Variants in PKHD1L1 observed in about 807,000 individuals in gnomAD.
The protein encoded by PKHD1L1 is fibrocystin-L.
In PKHD1L1, 434 loss-of-function variants were observed where a neutral mutation model predicts 462.9. That is an observed-to-expected ratio of 0.94 (90% CI 0.87 to 1.02). PKHD1L1 has a LOEUF of 1.02. PKHD1L1 is among the 50% of genes least tolerant of loss of function. PKHD1L1 has a pLI of 0.00. For missense variants in PKHD1L1, 5,202 were observed against 5,096.1 expected (o/e 1.02, Z -0.63); for synonymous variants, 1,781 against 1,750.0 (o/e 1.02, Z -0.44).
At position 109,498,524 on chromosome 8, in the gene PKHD1L1, T is replaced by A; in HGVS notation, c.10662T>A (p.Asp3554Glu). 6.2e-7 allele frequency: 1 copy of A among 1,613,828 alleles called. No individual in the cohort carries two copies. The highest frequency in any genetic ancestry group is 8.5e-7 in the Non-Finnish European group (1 of 1,179,712). ...GCTCTGATGTCCTAACTAATGATGA[T>A]CCTAATATTGAACTCACTGCTGCTC... ...FNCSDVLTND[D>E]PNIELTAAHR... The change falls in exon 66 of 78, where the codon GAT (aspartate) becomes GAA (glutamate). Residue 3554 changes from aspartate (D) to glutamate (E), a missense_variant. Around this residue, in one of 3 missense-constraint regions of PKHD1L1, gnomAD observed 4,497 missense variants for 4,336.8 expected, o/e 1.04. Coordinates refer to ENST00000378402, the MANE Select transcript of PKHD1L1 (RefSeq NM_177531.6).
At position 109,534,678 on chromosome 8, in the gene PKHD1L1, C is replaced by T. The variant is rs78814133; in HGVS notation, c.*4588C>T. ...CCAATTTCCCCTCCCCAGAGAGTAG[C>T]TACAGACACACTGTGTAAGACCAAA... On this transcript the variant is annotated 3_prime_UTR_variant, in exon 78 of 78. Transcript: ENST00000378402. 5.3e-3 allele frequency among the ~76,000 whole-genome samples: 806 copies of T among 152,258 alleles called. 11 individuals carry two copies. Among genetic ancestry groups the T allele is most frequent in the African/African-American group, 0.018 (737 of 41,538 alleles).
At chr8:109,413,823 A>C (rs575983847) in intron 21 of PKHD1L1, among the ~76,000 whole-genome samples, 2 of 152,286 alleles carry the variant, frequency 1.3e-5, no homozygotes, top group African/African-American at 4.8e-5. Flanking sequence ...GGTAAACTTT[A>C]GAATTTAAAT....
chr8:109,485,655 C>G (rs530976257), intron 58 of PKHD1L1, among the ~76,000 whole-genome samples: 1 of 152,028 alleles, frequency 6.6e-6, no homozygotes. Flanking sequence ...TCCCAGCATT[C>G]TAGCCTTTCC....
At chr8:109,443,162 G>A (rs1815910609) in intron 36 of PKHD1L1, 46 bp downstream of exon 36, 1 of 1,570,230 alleles carries the variant, frequency 6.4e-7, no homozygotes, top group East Asian at 2.2e-5. Context: ...GTGACCCAGG[G>A]TGTATGTGAT....
At chr8:109,376,049 T>C in intron 2 of PKHD1L1, among the ~76,000 whole-genome samples, 1 of 152,222 alleles carries the variant, frequency 6.6e-6, no homozygotes. Flanking sequence ...GACATTTAAG[T>C]CTGCAGAGGT....
In PKHD1L1 at chr8:109,526,837, A is replaced by G; in HGVS notation, c.12538A>G (p.Arg4180Gly). 20 of 1,582,598 alleles carry G rather than the reference A, an allele frequency of 1.3e-5. No homozygotes were observed. The highest frequency in any genetic ancestry group is 1.7e-5 in the Non-Finnish European group (20 of 1,163,394). ...ILDNVVGVESRTFSLLAESVS... is the reference protein window; with the variant it reads ...ILDNVVGVESGTFSLLAESVS... ...GGATAATGTTGTTGGGGTAGAATCCAGAACTTTCAGCCTGCTGGCAGAGTC... is the reference window on the plus strand; with the variant it reads ...GGATAATGTTGTTGGGGTAGAATCCGGAACTTTCAGCCTGCTGGCAGAGTC... The change falls in exon 77 of 78, where the codon AGA (arginine) becomes GGA (glycine). Residue 4180 changes from arginine to glycine, a missense_variant. Arg to Gly is a moderately radical substitution (Grantham distance 125, BLOSUM62 -2). Around this residue, in one of 3 missense-constraint regions of PKHD1L1, gnomAD observed 698 missense variants for 736.3 expected, o/e 0.95. Transcript: ENST00000378402.
Position 109,461,838 on chromosome 8 carries a change from G to T in PKHD1L1, c.7313G>T (p.Gly2438Val). The T allele has an allele frequency of 6.2e-7, 1 of 1,607,516 alleles. No homozygotes were observed. The highest frequency in any genetic ancestry group is 1.7e-5 in the Admixed American group (1 of 59,178). ...FGEEIGSDQF[G>V]GCVMFHAPVP... ...GAAGAAATAGGAAGTGACCAATTTG[G>T]AGGCTGCGTTATGTTTCATGCTCCT... is the stretch of plus-strand genomic sequence containing the variant. Residue 2438 changes from glycine (G) to valine (V), a missense_variant, in exon 48 of 78, where the codon GGA becomes GTA. By Grantham distance (109) the Gly-to-Val change is moderately radical (BLOSUM62 -3). Coordinates refer to ENST00000378402, the MANE Select transcript of PKHD1L1 (RefSeq NM_177531.6).
Position 109,526,864 on chromosome 8 carries a change from G to A in PKHD1L1, c.12565G>A (p.Val4189Ile). Residue 4189 changes from valine to isoleucine, a missense_variant, in exon 77 of 78, where the codon GTC becomes ATC. Transcript: ENST00000378402. Reference sequence around the variant, plus strand: ...AACTTTCAGCCTGCTGGCAGAGTCTGTCTCTAGCAGTGGCAGCAGCAGCAG... The same window carrying A: ...AACTTTCAGCCTGCTGGCAGAGTCTATCTCTAGCAGTGGCAGCAGCAGCAG... The part of the protein sequence containing the change: ...SRTFSLLAES[V>I]SSSGSSSSSN... The A allele has an allele frequency of 1.2e-6, 2 of 1,604,912 alleles. No homozygotes were observed. Among genetic ancestry groups the A allele is most frequent in the Non-Finnish European group, 1.7e-6 (2 of 1,175,158 alleles).
intron 22 of PKHD1L1, 115 bp downstream of exon 22, chr8:109,419,375 G>T: frequency 4.2e-6 from 3 of 718,110 alleles, no homozygotes; most frequent in Non-Finnish European, 6.3e-6. Context: ...ATATTAATGA[G>T]TCACTCTTTT....
rs750794754 is a variant in PKHD1L1 at position 109,407,489 on chromosome 8, C to T, written c.1814-560C>T. Among the ~76,000 whole-genome samples, 3 of 152,078 alleles carry T rather than the reference C, an allele frequency of 2.0e-5. No homozygotes were observed. In the East Asian group the frequency reaches 5.8e-4, roughly 29 times the overall value. ...AAGGGTCAAAAAGATCAATGAGATT[C>T]CACTGGTAGAGCATCCTTTCAAAGA... On this transcript the variant is annotated intron_variant, in intron 17 of 77. Coordinates refer to ENST00000378402, the MANE Select transcript of PKHD1L1 (RefSeq NM_177531.6).
At chr8:109,485,356 T>C (rs563538381) in intron 58 of PKHD1L1, among the ~76,000 whole-genome samples, 183 bp downstream of exon 58, 1 of 152,132 alleles carries the variant, frequency 6.6e-6, no homozygotes, top group East Asian at 1.9e-4. Flanking sequence ...GTCCCCGCTA[T>C]GTGCTTTCAT....
At chr8:109,420,787 G>C in intron 23 of PKHD1L1, 97 bp downstream of exon 23, 1 of 956,610 alleles carries the variant, frequency 1.0e-6, no homozygotes, top group Non-Finnish European at 1.5e-6. Flanking sequence ...AACAGGAAAA[G>C]ACAGCTAACT....
chr8:109,383,367 T>C, intron 4 of PKHD1L1, among the ~76,000 whole-genome samples: 1 of 113,822 alleles, frequency 8.8e-6, no homozygotes, highest in Middle Eastern at 4.6e-3. Context: ...TATTATAATA[T>C]ATTATATAGT....
rs1322647117 is a variant in PKHD1L1, at chr8:109,532,306, A to G, written c.*2216A>G. ...GCTTCTGGCTGTCTGCTTTTTAAGA[A>G]CATTCTAGAATTATCATAATAATTC... On this transcript the variant is annotated 3_prime_UTR_variant, in exon 78 of 78. Transcript: ENST00000378402. Among the ~76,000 whole-genome samples the G allele has an allele frequency of 6.6e-6, 1 of 152,206 alleles. No individual in the cohort carries two copies. The highest frequency in any genetic ancestry group is 1.5e-5 in the Non-Finnish European group (1 of 68,026).
At chr8:109,471,152 T>A (rs1817693866) in intron 50 of PKHD1L1, 2 of 1,319,086 alleles carry the variant, frequency 1.5e-6, no homozygotes, top group Non-Finnish European at 2.1e-6. Flanking sequence ...GTATTCTTCA[T>A]GAAATGTGTT....
chr8:109,392,126 A>G (rs1321564134), intron 9 of PKHD1L1, among the ~76,000 whole-genome samples: 1 of 152,212 alleles, frequency 6.6e-6, no homozygotes, highest in Non-Finnish European at 1.5e-5. Flanking sequence ...TGTTGAACGT[A>G]TTAGAAAACC....
At chr8:109,503,487 G>T (rs1819540629) in intron 67 of PKHD1L1, among the ~76,000 whole-genome samples, 5 of 152,108 alleles carry the variant, frequency 3.3e-5, no homozygotes. Context: ...CCTGTATATA[G>T]ACTCTTCTTA....
rs1462541295 is a variant in PKHD1L1, at chr8:109,400,221, C to T, written c.1158C>T (p.Asp386=). 1.2e-6 allele frequency: 2 copies of T among 1,613,544 alleles called. No homozygotes were observed. The highest frequency in any genetic ancestry group is 1.7e-6 in the Non-Finnish European group (2 of 1,179,694). ...SASYIWLMEQ[D]TFVARFSGFL... is the part of the protein sequence containing the mutation. ...CCTATATTTGGCTCATGGAACAAGA[C>T]ACATTTGTTGCACGCTTTAGTGGAT... is the stretch of plus-strand genomic sequence containing the variant. Residue 386 remains aspartate (D), a synonymous_variant, in exon 13 of 78, where the codon GAC becomes GAT. Coordinates refer to ENST00000378402, the MANE Select transcript of PKHD1L1 (RefSeq NM_177531.6).
At chr8:109,406,781 TC>T (rs1813573971) in intron 17 of PKHD1L1, among the ~76,000 whole-genome samples, 1 of 152,090 alleles carries the variant, frequency 6.6e-6, no homozygotes, top group Non-Finnish European at 1.5e-5. Context: ...ATCACTATTG[TC>T]CAGGAGACAC....
Sources: gnomAD v4.1 joint callset for allele counts (sites outside exome capture counted in the v4.1 genomes callset) on GRCh38, gnomAD v4.1.1 for gene constraint, gnomAD v4.1.1 regional missense constraint, MANE v1.5 for transcripts, NCBI Gene and HGNC (gene_info 2026-07-23, HGNC 2026-07-21) for gene names.